Variants in KIAA1328 observed in about 807,000 individuals in gnomAD.
KIAA1328 encodes the protein protein hinderin.
KIAA1328 carries 52 observed loss-of-function variants against 68.1 expected under a neutral mutation model. The observed-to-expected ratio is 0.76, with a 90% CI of 0.61 to 0.96. The LOEUF is 0.96. Ranked by LOEUF, KIAA1328 falls within the 40% of genes least tolerant of loss-of-function variation. KIAA1328 has a pLI of 0.00. For missense variants in KIAA1328, 641 were observed against 677.6 expected (o/e 0.95, Z 0.60); for synonymous variants, 232 against 239.4 (o/e 0.97, Z 0.28).
intron 6 of KIAA1328, among the ~76,000 whole-genome samples, chr18:36,962,677 G>T (rs1411782839): frequency 6.6e-6 from 1 of 152,088 alleles, no homozygotes; most frequent in Non-Finnish European, 1.5e-5. Flanking sequence ...ACTCAAAACG[G>T]CACAACTACA....
chr18:37,150,948 G>A (rs137988872), intron 7 of KIAA1328, among the ~76,000 whole-genome samples: 147 of 152,240 alleles, frequency 9.7e-4, no homozygotes, highest in African/African-American at 3.5e-3. Context: ...GCATTGTCTG[G>A]GAGGTTCTGG....
intron 5 of KIAA1328, among the ~76,000 whole-genome samples, chr18:36,927,761 TAAAG>T (rs777109138): frequency 1.0e-4 from 12 of 117,516 alleles, no homozygotes; most frequent in Non-Finnish European, 1.6e-4. Context: ...CTGTCTCAAA[TAAAG>T]AAAGAAAAAA....
At position 36,857,670 on chromosome 18, in the gene KIAA1328, G is replaced by A. The variant is rs575284669; in HGVS notation, c.332+13368G>A. 3.3e-5 allele frequency among the ~76,000 whole-genome samples: 5 copies of A among 152,284 alleles called. No homozygotes were observed. In the East Asian group the frequency reaches 9.7e-4, roughly 29 times the overall value. ...CTATGAGTTTTGATTAGCTTTCAGA[G>A]TTCTGAAAAAGTTGATTTTGTTAGT... On this transcript the variant is annotated intron_variant, in intron 4 of 9. Coordinates refer to ENST00000280020, the MANE Select transcript of KIAA1328 (RefSeq NM_020776.3).
At chr18:37,005,693 G>A (rs533550834) in intron 6 of KIAA1328, among the ~76,000 whole-genome samples, 3 of 152,120 alleles carry the variant, frequency 2.0e-5, no homozygotes, top group South Asian at 2.1e-4. Flanking sequence ...AAAGATATTC[G>A]AATCAACTTA....
At chr18:37,164,901 G>T (rs565144041) in intron 8 of KIAA1328, among the ~76,000 whole-genome samples, 19 of 152,040 alleles carry the variant, frequency 1.2e-4, no homozygotes, top group Non-Finnish European at 2.6e-4. Context: ...TGAAAATTAT[G>T]TACACCCGTG....
At chr18:37,139,022 T>A (rs1000347037) in intron 7 of KIAA1328, among the ~76,000 whole-genome samples, 15 of 142,376 alleles carry the variant, frequency 1.1e-4, no homozygotes, top group African/African-American at 3.8e-4. Flanking sequence ...AGTGGCACGA[T>A]CTTGGCTCAC....
At chr18:37,137,873 C>G (rs2058679134) in intron 7 of KIAA1328, among the ~76,000 whole-genome samples, 1 of 152,156 alleles carries the variant, frequency 6.6e-6, no homozygotes, top group Non-Finnish European at 1.5e-5. Flanking sequence ...GAGGTCCAAA[C>G]CTGTCCTTAT....
intron 7 of KIAA1328, among the ~76,000 whole-genome samples, chr18:37,130,065 C>T (rs1010746954): frequency 1.3e-5 from 2 of 152,094 alleles, no homozygotes; most frequent in African/African-American, 2.4e-5. Context: ...GAGCTAAATA[C>T]TCATCTTTCC....
chr18:36,919,257 G>A (rs201435406), intron 5 of KIAA1328, among the ~76,000 whole-genome samples: 1 of 152,052 alleles, frequency 6.6e-6, no homozygotes, highest in South Asian at 2.1e-4. Context: ...GTTATTGTTT[G>A]TACAGTATGT....
intron 5 of KIAA1328, among the ~76,000 whole-genome samples, chr18:36,937,276 A>G (rs1021881808): frequency 6.6e-6 from 1 of 152,210 alleles, no homozygotes; most frequent in Non-Finnish European, 1.5e-5. Flanking sequence ...AACCTAGGCA[A>G]TACCATTCAG....
chr18:36,898,342 T>A (rs1035732919), intron 5 of KIAA1328, among the ~76,000 whole-genome samples: 14 of 151,940 alleles, frequency 9.2e-5, no homozygotes, highest in African/African-American at 3.4e-4. Flanking sequence ...TTGAGGAGCA[T>A]CCCTTTTAAT....
chr18:37,096,469 G>A (rs1158959552), intron 7 of KIAA1328, among the ~76,000 whole-genome samples: 4 of 152,130 alleles, frequency 2.6e-5, no homozygotes, highest in Non-Finnish European at 5.9e-5. Context: ...TCTTAATCCA[G>A]TCTATCATTG....
At chr18:37,166,595 T>G (rs2847589) in intron 8 of KIAA1328, among the ~76,000 whole-genome samples, 39,789 of 152,010 alleles carry the variant, frequency 0.26, 8,082 homozygotes, top group African/African-American at 0.57. Flanking sequence ...CTGAGTTCCA[T>G]GTTTTAGTAT....
chr18:37,038,142 T>C (rs2055102911), intron 6 of KIAA1328, among the ~76,000 whole-genome samples: 1 of 151,970 alleles, frequency 6.6e-6, no homozygotes. Flanking sequence ...GGCTGCCATG[T>C]CAAACACGCC....
At chr18:36,829,996 T>G (rs1254493257) in intron 1 of KIAA1328, among the ~76,000 whole-genome samples, 1 of 152,198 alleles carries the variant, frequency 6.6e-6, no homozygotes, top group Non-Finnish European at 1.5e-5. Context: ...TCCTGATAAT[T>G]TACTTCACGT....
chr18:37,003,960 C>T (rs2053683044), intron 6 of KIAA1328, among the ~76,000 whole-genome samples: 1 of 152,058 alleles, frequency 6.6e-6, no homozygotes, highest in Admixed American at 6.6e-5. Context: ...CATTTTTATA[C>T]CAGTAGCATG....
chr18:36,992,051 T>A (rs892196457), intron 6 of KIAA1328, among the ~76,000 whole-genome samples: 1 of 152,234 alleles, frequency 6.6e-6, no homozygotes, highest in Non-Finnish European at 1.5e-5. Context: ...AGGTATGTTG[T>A]CATTTTCCTT....
chr18:37,030,215 C>T (rs1308708214), intron 6 of KIAA1328, among the ~76,000 whole-genome samples: 2 of 151,218 alleles, frequency 1.3e-5, no homozygotes, highest in African/African-American at 4.9e-5. Context: ...ATATTTTTTT[C>T]AGTTATAATT....
intron 6 of KIAA1328, among the ~76,000 whole-genome samples, chr18:36,993,293 C>T (rs1043175278): frequency 5.9e-5 from 9 of 152,206 alleles, no homozygotes; most frequent in Non-Finnish European, 1.2e-4. Flanking sequence ...CATAGTCTGA[C>T]ATCTTACACT....
Sources: gnomAD v4.1 joint callset for allele counts (sites outside exome capture counted in the v4.1 genomes callset) on GRCh38, gnomAD v4.1.1 for gene constraint, MANE v1.5 for transcripts, NCBI Gene and HGNC (gene_info 2026-07-23, HGNC 2026-07-21) for gene names.